The following PARK7 variants were observed in gnomAD, a reference collection of about 807,000 sequenced individuals.
The protein encoded by PARK7 is Parkinsonism associated deglycase.
A neutral mutation model predicts 20.5 loss-of-function variants in PARK7; 14 were observed. That is an observed-to-expected ratio of 0.68 (90% CI 0.45 to 1.07). PARK7 has a LOEUF of 1.07. PARK7 is among the 50% of genes least tolerant of loss of function. The pLI is 0.00. For synonymous variants in PARK7, 98 were observed against 84.3 expected (o/e 1.16, Z -0.89); for missense variants, 234 against 238.1 (o/e 0.98, Z 0.11).
At position 7,966,703 on chromosome 1, in the gene PARK7, G is replaced by A. The variant is rs1052073153; in HGVS notation, c.192+1278G>A. Among the ~76,000 whole-genome samples, 11 of 152,056 alleles carry A rather than the reference G, an allele frequency of 7.2e-5. No homozygotes were observed. In the South Asian group the frequency reaches 8.3e-4, roughly 11 times the overall value. The stretch of plus-strand genomic sequence containing the variant: ...TGCCCTTCAGCCTGGGTGACAGAGC[G>A]AGACCCTGTCTCAAAAATAATAATA... On this transcript the variant is annotated intron_variant, in intron 3 of 6. Transcript: ENST00000338639.
intron 5 of PARK7, among the ~76,000 whole-genome samples, chr1:7,972,739 A>C (rs1230460417): frequency 6.6e-6 from 1 of 152,088 alleles, no homozygotes; most frequent in African/African-American, 2.4e-5. Flanking sequence ...TCCCGTTTCT[A>C]CTAAAAATAC....
At chr1:7,973,574 C>A (rs34472269) in intron 5 of PARK7, among the ~76,000 whole-genome samples, 9,032 of 152,070 alleles carry the variant, frequency 0.059, 1,397 homozygotes, top group East Asian at 0.57. Context: ...ATTAGCCAGG[C>A]GTGGTGGCGC....
chr1:7,970,610 T>C (rs1640445250), intron 4 of PARK7, among the ~76,000 whole-genome samples: 1 of 152,210 alleles, frequency 6.6e-6, no homozygotes, highest in African/African-American at 2.4e-5. Flanking sequence ...TCCCTCCCAT[T>C]TCTTTCTCCC....
intron 5 of PARK7, among the ~76,000 whole-genome samples, chr1:7,976,913 G>T (rs1177059807): frequency 1.3e-5 from 2 of 152,042 alleles, no homozygotes; most frequent in Non-Finnish European, 2.9e-5. Flanking sequence ...GTAGAGACAG[G>T]GTTCCAGCGT....
intron 2 of PARK7, among the ~76,000 whole-genome samples, chr1:7,963,776 A>G (rs1384033059): frequency 6.6e-6 from 1 of 151,222 alleles, no homozygotes; most frequent in South Asian, 2.1e-4. Flanking sequence ...TTCCTTAAAG[A>G]TAAGTGCTAT....
intron 6 of PARK7, among the ~76,000 whole-genome samples, chr1:7,982,387 G>A (rs1449406070): frequency 6.6e-6 from 1 of 152,198 alleles, no homozygotes; most frequent in Non-Finnish European, 1.5e-5. Flanking sequence ...AACGGGAAGT[G>A]TAAAATCTGA....
chr1:7,966,464 A>T (rs1233718800), intron 3 of PARK7, among the ~76,000 whole-genome samples: 1 of 151,796 alleles, frequency 6.6e-6, no homozygotes, highest in Admixed American at 6.6e-5. Context: ...TGGAGGCCAA[A>T]GTGGGAGGAT....
At chr1:7,962,960 T>G in intron 2 of PARK7, 85 bp downstream of exon 2, 1 of 1,113,918 alleles carries the variant, frequency 9.0e-7, no homozygotes, top group Non-Finnish European at 1.4e-6. Flanking sequence ...TTCAAAGTGC[T>G]CTATGAAATA....
chr1:7,979,693 G>T (rs556158755), intron 6 of PARK7, among the ~76,000 whole-genome samples: 1 of 151,904 alleles, frequency 6.6e-6, no homozygotes, highest in Non-Finnish European at 1.5e-5. Context: ...GTAGAGACAG[G>T]GTCTAACCAT....
intron 5 of PARK7, among the ~76,000 whole-genome samples, chr1:7,976,241 C>G (rs1640581835): frequency 1.3e-5 from 2 of 152,160 alleles, no homozygotes; most frequent in African/African-American, 4.8e-5. Context: ...TTAAGTGTTT[C>G]CAAGATCAAG....
chr1:7,983,404 A>C (rs1430633946), intron 6 of PARK7, among the ~76,000 whole-genome samples: 3 of 152,288 alleles, frequency 2.0e-5, no homozygotes, highest in Admixed American at 6.5e-5. Flanking sequence ...CACCTGGGAC[A>C]GGCAGCTGGG....
intron 5 of PARK7, chr1:7,971,879 G>A (rs1226584753): frequency 1.3e-5 from 2 of 152,210 alleles, no homozygotes; most frequent in Admixed American, 6.5e-5. Context: ...GTTGCAGTGA[G>A]CCGAGATTGT....
intron 5 of PARK7, 60 bp downstream of exon 5, chr1:7,971,023 C>G: frequency 5.1e-6 from 8 of 1,558,484 alleles, no homozygotes; most frequent in Non-Finnish European, 7.1e-6. Context: ...GCCTTTCATT[C>G]GATGGTTTGA....
Position 7,985,168 on chromosome 1 carries a change from A to G in PARK7, c.*114A>G, listed in dbSNP as rs1375684743. 10 of 1,428,754 alleles carry G rather than the reference A, an allele frequency of 7.0e-6. No homozygotes were observed. The highest frequency in any genetic ancestry group is 3.9e-5 in the Admixed American group (2 of 50,718). The allele number at this position is 1,428,754 out of a possible 1,614,324, so 88.5% of individuals were successfully genotyped here. A position where few individuals can be genotyped will look rare whatever the true frequency, so the allele number is the denominator to read the frequency against. On this transcript the variant is annotated 3_prime_UTR_variant, in exon 7 of 7. Coordinates refer to ENST00000338639, the MANE Select transcript of PARK7 (RefSeq NM_007262.5). ...AATGTGTTCAGAAGTCGCTGTCCTT[A>G]CTACTTTTGCGGAAGTATGGAAGTC...
At chr1:7,974,568 G>T (rs1243628014) in intron 5 of PARK7, among the ~76,000 whole-genome samples, 8 of 151,770 alleles carry the variant, frequency 5.3e-5, no homozygotes, top group South Asian at 2.1e-4. Flanking sequence ...GGCAGAGCTT[G>T]CAGTGAGCCG....
intron 2 of PARK7, 83 bp downstream of exon 2, chr1:7,962,958 G>T: frequency 8.8e-7 from 1 of 1,141,450 alleles, no homozygotes; most frequent in Non-Finnish European, 1.3e-6. Context: ...TATTCAAAGT[G>T]CTCTATGAAA....
intron 3 of PARK7, chr1:7,969,133 A>C (rs1009039334): frequency 1.9e-6 from 1 of 538,624 alleles, no homozygotes; most frequent in East Asian, 3.0e-5. Context: ...ACATCCTTGC[A>C]TGTCACTACA....
rs774822642 is a variant in PARK7, at chr1:7,965,316, T to C, written c.91-8T>C. 3 of 1,610,678 alleles carry C rather than the reference T, an allele frequency of 1.9e-6. No homozygotes were observed. Among genetic ancestry groups the C allele is most frequent in the African/African-American group, 1.3e-5 (1 of 74,852 alleles). ...GTGTTCTTAAATATGATAACATCTT[T>C]CTCGTAGATTAAGGTCACCGTTGCA... On this transcript the variant is annotated splice_region_variant and splice_polypyrimidine_tract_variant and intron_variant, in intron 2 of 6. Coordinates refer to ENST00000338639, the MANE Select transcript of PARK7 (RefSeq NM_007262.5).
intron 5 of PARK7, among the ~76,000 whole-genome samples, chr1:7,972,884 C>A (rs1024510428): frequency 1.3e-5 from 2 of 152,076 alleles, no homozygotes; most frequent in African/African-American, 4.8e-5. Context: ...ACTAAAAATA[C>A]AAAAGTTAGC....
Sources: allele counts gnomAD v4.1 joint callset (sites outside exome capture counted in the v4.1 genomes callset), GRCh38; gene constraint gnomAD v4.1.1; transcripts MANE v1.5; gene names NCBI Gene and HGNC (gene_info 2026-07-23, HGNC 2026-07-21).